Variants in GALNTL6 observed in about 807,000 individuals in gnomAD.
The protein encoded by GALNTL6 is polypeptide N-acetylgalactosaminyltransferase like 6.
GALNTL6 carries 46 observed loss-of-function variants against 73.7 expected under a neutral mutation model. That is an observed-to-expected ratio of 0.62 (90% CI 0.49 to 0.80). The LOEUF (loss-of-function observed/expected upper bound fraction) is 0.80, where lower values mean the gene tolerates loss of function less well. Ranked by LOEUF, GALNTL6 falls within the 30% of genes least tolerant of loss-of-function variation. The probability of loss-of-function intolerance (pLI) is 0.00; values close to 1 mark genes in which losing one functional copy is unlikely to be tolerated. For missense variants in GALNTL6, 604 were observed against 755.0 expected (o/e 0.80, Z 2.34); for synonymous variants, 259 against 263.7 (o/e 0.98, Z 0.17).
intron 2 of GALNTL6, 128 bp from the exon 3 acceptor site, chr4:172,229,528 A>C: frequency 3.3e-6 from 2 of 612,864 alleles, no homozygotes; most frequent in East Asian, 2.7e-5. Flanking sequence ...CTTTCTTTTC[A>C]TTATACTCAG....
rs541922348 is a variant in GALNTL6 at position 171,974,626 on chromosome 4, A to G, written c.138+159908A>G. On this transcript the variant is annotated intron_variant, in intron 2 of 12. Coordinates refer to ENST00000506823, the MANE Select transcript of GALNTL6 (RefSeq NM_001034845.3). ...TAGACAAAAAAATTTTAAATACTGA[A>G]TTATAAACAAGATTTAAAATTTTAT... Among the ~76,000 whole-genome samples the G allele has an allele frequency of 3.3e-4, 50 of 152,328 alleles. No homozygotes were observed. The Middle Eastern group carries it at 0.02, about 62-fold the overall frequency.
intron 5 of GALNTL6, among the ~76,000 whole-genome samples, chr4:172,803,128 G>A (rs1290528534): frequency 6.6e-6 from 1 of 152,162 alleles, no homozygotes. Flanking sequence ...TCGTTATTGG[G>A]CAGAAAGAAT....
intron 5 of GALNTL6, among the ~76,000 whole-genome samples, chr4:172,367,698 A>C (rs1362827110): frequency 6.6e-6 from 1 of 152,168 alleles, no homozygotes; most frequent in Non-Finnish European, 1.5e-5. Context: ...CTAATTTTTT[A>C]ATGGACATAT....
chr4:172,679,073 C>T (rs1732474295), intron 5 of GALNTL6, among the ~76,000 whole-genome samples: 1 of 152,126 alleles, frequency 6.6e-6, no homozygotes, highest in Non-Finnish European at 1.5e-5. Flanking sequence ...ATTGAATTTT[C>T]TCATGTCATA....
At chr4:172,934,265 T>C (rs967163747) in intron 9 of GALNTL6, among the ~76,000 whole-genome samples, 3 of 152,166 alleles carry the variant, frequency 2.0e-5, no homozygotes, top group Non-Finnish European at 4.4e-5. Context: ...TCCACTGAAT[T>C]AACGAGTTTC....
intron 5 of GALNTL6, among the ~76,000 whole-genome samples, chr4:172,700,316 C>T (rs1393478767): frequency 2.0e-5 from 3 of 151,970 alleles, no homozygotes; most frequent in African/African-American, 7.3e-5. Context: ...TAGATCTCAA[C>T]AAGACAATCT....
intron 2 of GALNTL6, among the ~76,000 whole-genome samples, chr4:172,177,713 C>T (rs1735045906): frequency 9.0e-6 from 1 of 111,388 alleles, no homozygotes; most frequent in African/African-American, 3.7e-5. Context: ...TATATGTTTA[C>T]TTAGTATGTG....
At chr4:171,955,386 A>ATC (rs1579004174) in intron 2 of GALNTL6, among the ~76,000 whole-genome samples, 4 of 150,838 alleles carry the variant, frequency 2.7e-5, no homozygotes, top group Admixed American at 2.0e-4. Context: ...ATCTATCTAT[A>ATC]TATATATATG....
intron 6 of GALNTL6, among the ~76,000 whole-genome samples, chr4:172,811,246 A>G (rs1168412626): frequency 6.6e-6 from 1 of 152,214 alleles, no homozygotes; most frequent in Non-Finnish European, 1.5e-5. Flanking sequence ...ATTGAAATGT[A>G]GGCACAAGCC....
At chr4:172,292,174 A>G (rs529394284) in intron 3 of GALNTL6, among the ~76,000 whole-genome samples, 5 of 152,244 alleles carry the variant, frequency 3.3e-5, no homozygotes, top group Admixed American at 3.3e-4. Flanking sequence ...CCTCTCAGGT[A>G]CTTTCATGTA....
intron 2 of GALNTL6, among the ~76,000 whole-genome samples, chr4:172,011,972 G>T (rs939993461): frequency 2.0e-5 from 3 of 151,916 alleles, no homozygotes; most frequent in Non-Finnish European, 4.4e-5. Flanking sequence ...AAGTAATGGA[G>T]AATTTTTTAA....
intron 5 of GALNTL6, among the ~76,000 whole-genome samples, chr4:172,609,403 T>C (rs997634532): frequency 1.3e-5 from 2 of 152,178 alleles, no homozygotes; most frequent in African/African-American, 4.8e-5. Context: ...GAGATAATCA[T>C]GTGGTTTTGG....
At chr4:172,745,159 CA>C (rs960332600) in intron 5 of GALNTL6, among the ~76,000 whole-genome samples, 96 of 151,584 alleles carry the variant, frequency 6.3e-4, no homozygotes, top group African/African-American at 2.2e-3. Context: ...GATAAAAGAA[CA>C]GCAAGAAATT....
intron 2 of GALNTL6, among the ~76,000 whole-genome samples, chr4:171,971,448 G>A (rs1012912488): frequency 6.6e-6 from 1 of 152,068 alleles, no homozygotes; most frequent in African/African-American, 2.4e-5. Context: ...ATTTATAATT[G>A]GGACATTTAG....
intron 6 of GALNTL6, among the ~76,000 whole-genome samples, chr4:172,810,473 C>A (rs565218926): frequency 1.3e-5 from 2 of 152,232 alleles, no homozygotes; most frequent in East Asian, 3.9e-4. Flanking sequence ...ATATCCCTGG[C>A]CTTGGAACTA....
intron 3 of GALNTL6, among the ~76,000 whole-genome samples, chr4:172,250,549 G>T (rs1737823830): frequency 6.6e-6 from 1 of 152,040 alleles, no homozygotes; most frequent in Non-Finnish European, 1.5e-5. Context: ...ACATGTTGTG[G>T]GAGGGACCCC....
rs531937252 is a variant in GALNTL6 at position 171,958,823 on chromosome 4, A to T, written c.138+144105A>T. 2.0e-5 allele frequency among the ~76,000 whole-genome samples: 3 copies of T among 152,242 alleles called. No homozygotes were observed. The South Asian group carries it at 6.2e-4, about 32-fold the overall frequency. ...TTATTTATATTTCTTTGACTCAAAT[A>T]TATGTTGTGATTTTATATTCAGTTT... is the stretch of plus-strand genomic sequence containing the variant. On this transcript the variant is annotated intron_variant, in intron 2 of 12. Transcript: ENST00000506823.
chr4:172,806,776 A>G (rs1196937814), intron 5 of GALNTL6, among the ~76,000 whole-genome samples: 1 of 152,220 alleles, frequency 6.6e-6, no homozygotes, highest in Non-Finnish European at 1.5e-5. Flanking sequence ...TTTAGTCCCC[A>G]GTGACTGTTG....
chr4:172,834,165 A>C (rs1380034286), intron 7 of GALNTL6, among the ~76,000 whole-genome samples: 6 of 152,164 alleles, frequency 3.9e-5, no homozygotes, highest in Admixed American at 2.6e-4. Context: ...CTTAACAAGA[A>C]GGACTGACAA....
Sources: allele counts gnomAD v4.1 joint callset (sites outside exome capture counted in the v4.1 genomes callset), GRCh38; gene constraint gnomAD v4.1.1; transcripts MANE v1.5; gene names NCBI Gene and HGNC (gene_info 2026-07-23, HGNC 2026-07-21).